Variants in MUC22 observed in about 807,000 individuals in gnomAD.
MUC22 encodes mucin 22, also known as mucin-22.
A neutral mutation model predicts 40.3 loss-of-function variants in MUC22; 24 were observed. The ratio of observed to expected loss-of-function variants is 0.60; its 90% CI spans 0.43 to 0.84. The LOEUF is 0.84. Ranked by LOEUF, MUC22 falls within the 40% of genes least tolerant of loss-of-function variation. The pLI is 0.00. For missense variants in MUC22, 1,926 were observed against 2,130.7 expected (o/e 0.90, Z 1.89); for synonymous variants, 765 against 844.5 (o/e 0.91, Z 1.63).
chr6:31,024,437 A>G (rs1331024967), intron 1 of MUC22, among the ~76,000 whole-genome samples: 1 of 96,768 alleles, frequency 1.0e-5, no homozygotes, highest in African/African-American at 4.2e-5. Context: ...ACTTGTTACA[A>G]AAGAATTTGT....
At chr6:31,017,262 C>G (rs1764291460) in intron 1 of MUC22, among the ~76,000 whole-genome samples, 1 of 152,234 alleles carries the variant, frequency 6.6e-6, no homozygotes, top group Admixed American at 6.5e-5. Flanking sequence ...AGCTGGGCTC[C>G]TGAGTGTAGT....
chr6:31,028,301 T>C, exon 2 of MUC22: 2 of 1,528,730 alleles, frequency 1.3e-6, no homozygotes, highest in Non-Finnish European at 8.7e-7. Flanking sequence ...ACCACTAAAG[T>C]TTCTACCACA....
At chr6:31,021,991 A>G (rs1764822344) in intron 1 of MUC22, among the ~76,000 whole-genome samples, 1 of 152,188 alleles carries the variant, frequency 6.6e-6, no homozygotes, top group Non-Finnish European at 1.5e-5. Flanking sequence ...CAGCGAGCCC[A>G]CGAGCCCACT....
At chr6:31,031,339 T>C (rs1041727758) in intron 2 of MUC22, among the ~76,000 whole-genome samples, 4 of 152,112 alleles carry the variant, frequency 2.6e-5, no homozygotes, top group Non-Finnish European at 5.9e-5. Flanking sequence ...CACAGTGTGG[T>C]AGATGATGTC....
intron 1 of MUC22, among the ~76,000 whole-genome samples, chr6:31,012,168 G>A (rs1424873290): frequency 2.6e-5 from 4 of 152,156 alleles, no homozygotes; most frequent in Admixed American, 1.3e-4. Context: ...ACTGTAGGAT[G>A]GCTCGTCAAG....
chr6:31,022,417 A>G (rs1290967958), intron 1 of MUC22, among the ~76,000 whole-genome samples: 1 of 152,110 alleles, frequency 6.6e-6, no homozygotes, highest in Admixed American at 6.5e-5. Flanking sequence ...TCTGCTTCCC[A>G]AAATGCTGGG....
upstream of MUC22, among the ~76,000 whole-genome samples, chr6:31,006,586 G>C (rs780522557): frequency 1.3e-5 from 2 of 152,138 alleles, no homozygotes; most frequent in African/African-American, 2.4e-5. Flanking sequence ...TGCTTGCGTA[G>C]GGGCAGGGAG....
At chr6:31,008,906 A>G (rs572086347), upstream of MUC22, among the ~76,000 whole-genome samples, 1 of 152,164 alleles carries the variant, frequency 6.6e-6, no homozygotes, top group Non-Finnish European at 1.5e-5. Flanking sequence ...GACAAAAATT[A>G]TATGTTTTCA....
At chr6:31,010,676 A>C in exon 1 of MUC22, 2 of 702,468 alleles carry the variant, frequency 2.8e-6, no homozygotes, top group South Asian at 3.0e-5. Context: ...CCAGGCATCT[A>C]AATGACAACT....
chr6:31,028,675 T>G (rs1450401587), exon 2 of MUC22: 3 of 1,533,706 alleles, frequency 2.0e-6, no homozygotes, highest in Non-Finnish European at 2.6e-6. Context: ...CACTGCAGGC[T>G]CTGAGACCAT....
At chr6:31,029,932 G>A in exon 2 of MUC22, 1 of 1,517,074 alleles carries the variant, frequency 6.6e-7, no homozygotes, top group Non-Finnish European at 8.8e-7. Context: ...AGCTTCCACT[G>A]CAAGCTTGGA....
exon 2 of MUC22, chr6:31,029,131 G>A (rs1456668552): frequency 6.5e-7 from 1 of 1,534,698 alleles, no homozygotes; most frequent in African/African-American, 1.4e-5. Context: ...TGCAGGCTCA[G>A]AGACCACCAC....
At chr6:31,015,883 C>A (rs1290962941) in intron 1 of MUC22, among the ~76,000 whole-genome samples, 1 of 151,976 alleles carries the variant, frequency 6.6e-6, no homozygotes, top group Non-Finnish European at 1.5e-5. Flanking sequence ...TTGATAATTG[C>A]CTCTCGTCCA....
exon 2 of MUC22, chr6:31,028,988 C>A: frequency 6.5e-7 from 1 of 1,533,818 alleles, no homozygotes; most frequent in South Asian, 1.2e-5. Flanking sequence ...TCTGAGACCA[C>A]CACAGCCTCT....
chr6:31,029,408 C>T (rs1455908204), exon 2 of MUC22: 2 of 1,534,548 alleles, frequency 1.3e-6, no homozygotes, highest in Non-Finnish European at 1.7e-6. Flanking sequence ...TCTGAGACCA[C>T]CACAGCCTCT....
intron 1 of MUC22, 100 bp from the exon 2 acceptor site, chr6:31,025,402 A>G (rs990375724): frequency 2.3e-6 from 3 of 1,305,268 alleles, no homozygotes; most frequent in Admixed American, 3.1e-5. Context: ...GAATAAATAA[A>G]TGAATAAGAA....
At chr6:31,021,256 T>C in intron 1 of MUC22, among the ~76,000 whole-genome samples, 1 of 152,172 alleles carries the variant, frequency 6.6e-6, no homozygotes, top group Non-Finnish European at 1.5e-5. Context: ...CAGCACCCTG[T>C]GTGTAGCTCA....
At chr6:31,023,744 C>T (rs888864613) in intron 1 of MUC22, among the ~76,000 whole-genome samples, 3 of 152,000 alleles carry the variant, frequency 2.0e-5, no homozygotes, top group Non-Finnish European at 2.9e-5. Context: ...AAGAAAGATA[C>T]GGCCATACTG....
chr6:31,026,203 A>G (rs1765305749), exon 2 of MUC22: 3 of 1,522,068 alleles, frequency 2.0e-6, no homozygotes, highest in Non-Finnish European at 2.6e-6. Flanking sequence ...CTCTGAGACC[A>G]CTGTGGCCCC....
Sources: gnomAD v4.1 joint callset for allele counts (sites outside exome capture counted in the v4.1 genomes callset) on GRCh38, gnomAD v4.1.1 for gene constraint, MANE v1.5 for transcripts, NCBI Gene and HGNC (gene_info 2026-07-23, HGNC 2026-07-21) for gene names.